MELK: variants seen among roughly 807,000 people sequenced by gnomAD.
MELK encodes the protein maternal embryonic leucine zipper kinase.
MELK carries 81 observed loss-of-function variants against 85.0 expected under a neutral mutation model. That is an observed-to-expected ratio of 0.95 (90% CI 0.80 to 1.15). The LOEUF is 1.15. MELK is among the 50% of genes most tolerant of loss of function. The probability of loss-of-function intolerance (pLI) is 0.00; values close to 1 mark genes in which losing one functional copy is unlikely to be tolerated. For synonymous variants in MELK, 252 were observed against 265.0 expected (o/e 0.95, Z 0.48); for missense variants, 754 against 777.5 (o/e 0.97, Z 0.36).
At chr9:36,609,335 AACT>A (rs1825864415) in intron 8 of MELK, among the ~76,000 whole-genome samples, 1 of 152,198 alleles carries the variant, frequency 6.6e-6, no homozygotes. Flanking sequence ...TTTCAAAGCA[AACT>A]AACAAAAGAA....
intron 16 of MELK, among the ~76,000 whole-genome samples, chr9:36,674,191 C>T (rs1432585976): frequency 6.6e-6 from 1 of 152,044 alleles, no homozygotes; most frequent in Admixed American, 6.6e-5. Context: ...CAGTGCCTAC[C>T]ACATAGTAAA....
chr9:36,631,171 C>T (rs1021124601), intron 9 of MELK, among the ~76,000 whole-genome samples: 2 of 151,968 alleles, frequency 1.3e-5, no homozygotes, highest in African/African-American at 4.8e-5. Context: ...ACTATGTTAG[C>T]CAGGCTGGTC....
intron 6 of MELK, among the ~76,000 whole-genome samples, chr9:36,598,960 TG>T (rs1824603357): frequency 6.6e-6 from 1 of 152,062 alleles, no homozygotes; most frequent in Non-Finnish European, 1.5e-5. Flanking sequence ...CTTTATTATG[TG>T]GGGTGGTTTT....
At chr9:36,666,910 GGTGTGTGTGT>G (rs1300163753) in intron 14 of MELK, among the ~76,000 whole-genome samples, 3 of 121,122 alleles carry the variant, frequency 2.5e-5, no homozygotes, top group South Asian at 2.9e-4. Context: ...TGTGTGTGAT[GGTGTGTGTGT>G]GGGGGGGTGC....
At chr9:36,636,498 G>T (rs568068457) in intron 10 of MELK, among the ~76,000 whole-genome samples, 2 of 151,916 alleles carry the variant, frequency 1.3e-5, no homozygotes, top group South Asian at 4.2e-4. Flanking sequence ...GCGAAACTCC[G>T]CCTCAAAAAA....
chr9:36,665,305 C>T (rs1832230357), intron 13 of MELK, 45 bp from the exon 14 acceptor site: 7 of 1,217,830 alleles, frequency 5.7e-6, no homozygotes, highest in South Asian at 5.6e-5. Flanking sequence ...AAGAAATTGA[C>T]TTTTCTTCTT....
chr9:36,663,325 A>G (rs1246642661), intron 13 of MELK, among the ~76,000 whole-genome samples: 1 of 152,062 alleles, frequency 6.6e-6, no homozygotes, highest in East Asian at 1.9e-4. Context: ...AGGTGATCAC[A>G]TGACTTGGCC....
At chr9:36,583,866 G>T (rs948807506) in intron 3 of MELK, among the ~76,000 whole-genome samples, 154 bp downstream of exon 3, 6 of 152,104 alleles carry the variant, frequency 3.9e-5, no homozygotes, top group Admixed American at 6.5e-5. Flanking sequence ...AAGTAATCTG[G>T]GGGAAGGGAT....
intron 1 of MELK, among the ~76,000 whole-genome samples, chr9:36,575,931 G>T (rs1039625282): frequency 2.6e-5 from 4 of 152,152 alleles, no homozygotes; most frequent in African/African-American, 9.7e-5. Flanking sequence ...GGATTCCAAA[G>T]ATTTCTGAGC....
At chr9:36,618,459 A>G (rs550229332) in intron 8 of MELK, among the ~76,000 whole-genome samples, 1 of 152,204 alleles carries the variant, frequency 6.6e-6, no homozygotes, top group African/African-American at 2.4e-5. Flanking sequence ...ACGTAGCCAT[A>G]TATACTTAAG....
chr9:36,626,833 C>T (rs1028561276), intron 8 of MELK, among the ~76,000 whole-genome samples: 2 of 151,758 alleles, frequency 1.3e-5, no homozygotes, highest in Non-Finnish European at 2.9e-5. Flanking sequence ...GTGGCAGGCA[C>T]CCGTAATCCC....
chr9:36,594,565 T>C (rs1193226362), intron 4 of MELK, 63 bp from the exon 5 acceptor site: 12 of 1,560,088 alleles, frequency 7.7e-6, no homozygotes, highest in Admixed American at 7.4e-5. Context: ...CTTTTTTATT[T>C]TAAATTTCTG....
chr9:36,659,163 G>A (rs1347755063), intron 13 of MELK, among the ~76,000 whole-genome samples: 1 of 152,054 alleles, frequency 6.6e-6, no homozygotes, highest in Non-Finnish European at 1.5e-5. Context: ...TTACAGGCTT[G>A]AGCCACTGCA....
intron 4 of MELK, among the ~76,000 whole-genome samples, chr9:36,593,859 T>A (rs1243485891): frequency 2.6e-5 from 4 of 152,056 alleles, no homozygotes; most frequent in African/African-American, 9.7e-5. Flanking sequence ...GCCTGGCTAA[T>A]TTTTTGTATT....
At chr9:36,606,640 T>C (rs1825562662) in intron 7 of MELK, among the ~76,000 whole-genome samples, 1 of 146,994 alleles carries the variant, frequency 6.8e-6, no homozygotes, top group South Asian at 2.1e-4. Context: ...GACATATATG[T>C]ATATATGGAC....
intron 5 of MELK, among the ~76,000 whole-genome samples, chr9:36,596,839 G>A (rs1299619560): frequency 6.6e-6 from 1 of 152,032 alleles, no homozygotes; most frequent in Non-Finnish European, 1.5e-5. Flanking sequence ...GCCTGCCTCA[G>A]CCTCCCAAAG....
chr9:36,666,896 TGTGTGTGTGTGA>T (rs1156331589), intron 14 of MELK, among the ~76,000 whole-genome samples: 3 of 126,296 alleles, frequency 2.4e-5, no homozygotes, highest in Non-Finnish European at 3.5e-5. Flanking sequence ...TGTGTGTGTG[TGTGTGTGTGTGA>T]TGGTGTGTGT....
chr9:36,674,855 A>G lies in MELK; in HGVS notation c.1696A>G (p.Thr566Ala). Residue 566 changes from threonine (T) to alanine (A), a missense_variant, in exon 17 of 18, where the codon ACT becomes GCT. Coordinates refer to ENST00000298048, the MANE Select transcript of MELK (RefSeq NM_014791.4). ...TTAGCTTCACTATAACGTGACTACA[A>G]CTAGATTAGTGAATCCAGATCAACT... ...RLKLHYNVTT[T>A]RLVNPDQLLN... The G allele has an allele frequency of 6.3e-7, 1 of 1,587,888 alleles. No individual in the cohort carries two copies. The highest frequency in any genetic ancestry group is 8.6e-7 in the Non-Finnish European group (1 of 1,157,054).
intron 11 of MELK, among the ~76,000 whole-genome samples, chr9:36,644,108 C>G (rs1451879376): frequency 6.6e-6 from 1 of 152,084 alleles, no homozygotes; most frequent in East Asian, 1.9e-4. Context: ...CACGTCACCC[C>G]TAAGTGGACA....
Sources: allele counts gnomAD v4.1 joint callset (sites outside exome capture counted in the v4.1 genomes callset), GRCh38; gene constraint gnomAD v4.1.1; transcripts MANE v1.5; gene names NCBI Gene and HGNC (gene_info 2026-07-23, HGNC 2026-07-21).